Variants in WDR64 observed in about 807,000 individuals in gnomAD.
WDR64 encodes WD repeat domain 64, also known as WD repeat-containing protein 64.
WDR64 carries 112 observed loss-of-function variants against 139.3 expected under a neutral mutation model. That is an observed-to-expected ratio of 0.80 (90% CI 0.69 to 0.94). The LOEUF (loss-of-function observed/expected upper bound fraction) is 0.94. Among genes scored for constraint, WDR64 ranks in the 40% least tolerant of loss-of-function variants. The pLI is 0.00. For missense variants in WDR64, 1,206 were observed against 1,293.1 expected (o/e 0.93, Z 1.03); for synonymous variants, 444 against 437.7 (o/e 1.01, Z -0.18).
At chr1:241,742,353 G>A (rs1034352515) in intron 12 of WDR64, among the ~76,000 whole-genome samples, 1 of 152,200 alleles carries the variant, frequency 6.6e-6, no homozygotes, top group Non-Finnish European at 1.5e-5. Context: ...ATTCCCAGAT[G>A]GTTAGGCATT....
At chr1:241,661,875 A>G in intron 2 of WDR64, among the ~76,000 whole-genome samples, 1 of 152,234 alleles carries the variant, frequency 6.6e-6, no homozygotes, top group Non-Finnish European at 1.5e-5. Flanking sequence ...ACTGGAACAC[A>G]GCAATGCTCA....
chr1:241,761,556 A>G (rs1014679584), intron 15 of WDR64, among the ~76,000 whole-genome samples: 9 of 151,398 alleles, frequency 5.9e-5, no homozygotes, highest in African/African-American at 1.9e-4. Context: ...TAGATACATT[A>G]GAAATATATA....
chr1:241,666,726 A>G (rs1011585006), intron 2 of WDR64, among the ~76,000 whole-genome samples: 6 of 152,236 alleles, frequency 3.9e-5, no homozygotes, highest in African/African-American at 1.4e-4. Flanking sequence ...TTGAGCTCCT[A>G]CTGGGGACTT....
At chr1:241,695,357 T>A (rs574767260) in intron 8 of WDR64, among the ~76,000 whole-genome samples, 1 of 152,256 alleles carries the variant, frequency 6.6e-6, no homozygotes, top group Non-Finnish European at 1.5e-5. Context: ...AGATGTCACA[T>A]TGGTAATTTG....
chr1:241,720,494 T>C (rs1174163043), intron 9 of WDR64, among the ~76,000 whole-genome samples: 1 of 152,204 alleles, frequency 6.6e-6, no homozygotes, highest in African/African-American at 2.4e-5. Flanking sequence ...ATAATCACCA[T>C]TCTCACTGGC....
rs1658915369 is a variant in WDR64 at position 241,783,298 on chromosome 1, T to C, written c.2622T>C (p.Arg874=). The change falls in exon 23 of 28, where the codon CGT becomes CGC. Residue 874 remains arginine (R), a synonymous_variant. Coordinates refer to ENST00000437684, the MANE Select transcript of WDR64 (RefSeq NM_001367482.1). The part of the protein sequence containing the change: ...EKKFKQLLSW[R]AHSLEIIQVI... ...AATTCAAGCAGCTGCTTTCCTGGCG[T>C]GCTCATTCTTTGGAAATTATTCAAG... 1 of 1,613,906 alleles carries C rather than the reference T, an allele frequency of 6.2e-7. No homozygotes were observed. The highest frequency in any genetic ancestry group is 1.7e-5 in the Admixed American group (1 of 59,972).
chr1:241,693,998 T>C (rs1321484867), intron 8 of WDR64, among the ~76,000 whole-genome samples: 1 of 152,148 alleles, frequency 6.6e-6, no homozygotes, highest in Non-Finnish European at 1.5e-5. Context: ...CACCTTTACA[T>C]TTAGAGAACA....
At chr1:241,776,032 TTC>T (rs34823241) in intron 21 of WDR64, among the ~76,000 whole-genome samples, 13,573 of 152,132 alleles carry the variant, frequency 0.089, 806 homozygotes, top group Admixed American at 0.15. Flanking sequence ...AGTTTTCATA[TTC>T]TCTTTTATAA....
At chr1:241,719,761 T>A (rs1668536378) in intron 9 of WDR64, among the ~76,000 whole-genome samples, 2 of 152,126 alleles carry the variant, frequency 1.3e-5, no homozygotes, top group African/African-American at 4.8e-5. Context: ...TTAACTAGAA[T>A]TACTATTTTG....
chr1:241,696,580 C>T (rs1574016912), intron 8 of WDR64, among the ~76,000 whole-genome samples: 1 of 152,048 alleles, frequency 6.6e-6, no homozygotes, highest in African/African-American at 2.4e-5. Flanking sequence ...GTGAGCAATT[C>T]CTGGAACTGA....
At chr1:241,773,627 C>T (rs1463663319) in intron 20 of WDR64, among the ~76,000 whole-genome samples, 1 of 151,990 alleles carries the variant, frequency 6.6e-6, no homozygotes, top group Non-Finnish European at 1.5e-5. Context: ...GCCAGCACAC[C>T]CAGCTAATTT....
intron 4 of WDR64, chr1:241,676,048 CATT>C (rs1389768076): frequency 1.2e-4 from 18 of 152,168 alleles, no homozygotes; most frequent in Admixed American, 6.5e-4. Context: ...TTGAAATAAT[CATT>C]ATGTGATTAA....
In WDR64 at chr1:241,757,306, C is replaced by T. The variant is rs1670233196; in HGVS notation, c.1794C>T (p.Leu598=). ...MIQGKEDDIY[L]MVIWELPDVV... is the part of the protein sequence containing the mutation. ...AGGGTAAGGAAGATGATATCTACCT[C>T]ATGGTGATCTGGGAGCTGCCTGATG... The change falls in exon 15 of 28, where the codon CTC becomes CTT. Residue 598 remains leucine, a synonymous_variant. Transcript: ENST00000437684. 6.2e-7 allele frequency: 1 copy of T among 1,613,784 alleles called. No individual in the cohort carries two copies. Among genetic ancestry groups the T allele is most frequent in the Non-Finnish European group, 8.5e-7 (1 of 1,179,896 alleles).
intron 8 of WDR64, among the ~76,000 whole-genome samples, chr1:241,704,529 A>G (rs565860334): frequency 6.6e-6 from 1 of 152,314 alleles, no homozygotes; most frequent in South Asian, 2.1e-4. Context: ...CATCAATTAT[A>G]TGAGCCTTTC....
At chr1:241,716,650 TATGATG>T (rs10612577) in intron 9 of WDR64, among the ~76,000 whole-genome samples, 25,729 of 151,036 alleles carry the variant, frequency 0.17, 2,372 homozygotes, top group African/African-American at 0.2. Flanking sequence ...TGAATCAACA[TATGATG>T]ATGATGATGA....
chr1:241,746,991 C>A (rs770337299), intron 13 of WDR64, among the ~76,000 whole-genome samples: 93 of 152,114 alleles, frequency 6.1e-4, no homozygotes, highest in Non-Finnish European at 1.2e-3. Flanking sequence ...GAACTCCTGA[C>A]CTCAAATGAT....
chr1:241,686,663 C>T (rs1331533984), intron 7 of WDR64, among the ~76,000 whole-genome samples: 1 of 152,184 alleles, frequency 6.6e-6, no homozygotes, highest in Non-Finnish European at 1.5e-5. Context: ...GCCCCACATT[C>T]AAATGTTTTG....
At chr1:241,796,142 G>C (rs1050971519) in intron 26 of WDR64, 115 bp from the exon 27 acceptor site, 12 of 508,918 alleles carry the variant, frequency 2.4e-5, no homozygotes, top group Non-Finnish European at 4.2e-5. Context: ...TGGGAAGAAG[G>C]GGGGTGTGTA....
At chr1:241,661,892 C>T (rs7366552) in intron 2 of WDR64, among the ~76,000 whole-genome samples, 150,929 of 152,336 alleles carry the variant, frequency 0.99, 74,785 homozygotes, top group Middle Eastern at 1. Flanking sequence ...CTCACTCATT[C>T]ACAAACTGGC....
Sources: allele counts gnomAD v4.1 joint callset (sites outside exome capture counted in the v4.1 genomes callset), GRCh38; gene constraint gnomAD v4.1.1; transcripts MANE v1.5; gene names NCBI Gene and HGNC (gene_info 2026-07-23, HGNC 2026-07-21).